ZNF451: variants seen among roughly 807,000 people sequenced by gnomAD.
ZNF451 encodes the protein E3 SUMO-protein ligase ZNF451.
Under a neutral mutation model 107.1 loss-of-function variants are expected in ZNF451, and 80 were observed. The observed-to-expected ratio is 0.75, with a 90% confidence interval of 0.62 to 0.90. The LOEUF (loss-of-function observed/expected upper bound fraction) is 0.90, where lower values mean the gene tolerates loss of function less well. Among genes scored for constraint, ZNF451 ranks in the 40% least tolerant of loss-of-function variants. The pLI, the probability that ZNF451 is intolerant of heterozygous loss-of-function variation, is 0.00. For missense variants in ZNF451, 1,107 were observed against 1,236.2 expected, an observed-to-expected ratio of 0.90 and a Z score of 1.57; for synonymous variants, 362 against 406.5, an observed-to-expected ratio of 0.89 and a Z score of 1.32.
chr6:57,101,521 A>T (rs1318747249), intron 3 of ZNF451: 1 of 1,550,866 alleles, frequency 6.4e-7, no homozygotes, highest in Non-Finnish European at 8.7e-7. Flanking sequence ...TTCTACCTCA[A>T]AAGAAATGGA....
intron 5 of ZNF451, among the ~76,000 whole-genome samples, chr6:57,132,632 C>T (rs558037618): frequency 4.0e-5 from 6 of 151,708 alleles, no homozygotes; most frequent in Admixed American, 2.6e-4. Flanking sequence ...GGAGTAGGGG[C>T]GTAACCTTCT....
chr6:57,160,774 C>G, intron 13 of ZNF451: 1 of 219,084 alleles, frequency 4.6e-6, no homozygotes, highest in Non-Finnish European at 8.9e-6. Flanking sequence ...AGCCTTCGGT[C>G]TCTTATTATG....
chr6:57,106,629 T>G lies in ZNF451; in HGVS notation c.186+7488T>G, dbSNP rs555256207. 7 of 985,048 alleles carry G rather than the reference T, an allele frequency of 7.1e-6. No individual in the cohort carries two copies. In the East Asian group the frequency reaches 6.8e-4, roughly 96 times the overall value. 61.0% of individuals were successfully genotyped at this position (985,048 alleles called of 1,614,324 possible). ...CTGTGAAATTTTTTTTTTTTTTTTT[T>G]TTATGTGAGGCATATTTTGCCACAG... On this transcript the variant is annotated intron_variant, in intron 3 of 14. Transcript: ENST00000370706.
intron 3 of ZNF451, chr6:57,101,432 A>G: frequency 6.4e-7 from 1 of 1,550,820 alleles, no homozygotes; most frequent in Non-Finnish European, 8.7e-7. Context: ...TCTCCTTTCC[A>G]ACCAAACCCA....
chr6:57,168,359 A>T, intron 14 of ZNF451, 64 bp from the exon 15 acceptor site: 1 of 1,161,516 alleles, frequency 8.6e-7, no homozygotes, highest in Non-Finnish European at 1.3e-6. Context: ...ATGAAACTTA[A>T]ATAAATACAG....
At chr6:57,139,471 C>A (rs1486140717) in intron 7 of ZNF451, among the ~76,000 whole-genome samples, 1 of 152,150 alleles carries the variant, frequency 6.6e-6, no homozygotes, top group Non-Finnish European at 1.5e-5. Context: ...TTTTTTATCT[C>A]TCTTCTGGTT....
At chr6:57,106,973 A>T (rs1829891878) in intron 3 of ZNF451, 1 of 926,920 alleles carries the variant, frequency 1.1e-6, no homozygotes, top group African/African-American at 1.8e-5. Flanking sequence ...TCCTGGATGA[A>T]CAGAATATTG....
intron 3 of ZNF451, among the ~76,000 whole-genome samples, chr6:57,110,984 A>G (rs1408675730): frequency 1.3e-5 from 2 of 149,694 alleles, no homozygotes. Context: ...CAGTGGGGTC[A>G]TATCGGCTAA....
At chr6:57,103,108 A>T in intron 3 of ZNF451, 2 of 985,452 alleles carry the variant, frequency 2.0e-6, no homozygotes, top group South Asian at 4.7e-5. Context: ...GAAATAAAGG[A>T]TGTTACACGA....
intron 11 of ZNF451, chr6:57,151,371 T>TA (rs59458185): frequency 0.12 from 9,502 of 79,006 alleles, 851 homozygotes; most frequent in Middle Eastern, 0.16. Context: ...GACTCTGTCT[T>TA]AAAAAAAAAA....
At chr6:57,119,343 A>T (rs184835564) in intron 3 of ZNF451, among the ~76,000 whole-genome samples, 136 of 152,298 alleles carry the variant, frequency 8.9e-4, no homozygotes, top group South Asian at 2.7e-3. Flanking sequence ...CCTGGCCAAC[A>T]TGGAGAAACC....
chr6:57,093,363 G>C (rs531254681), intron 2 of ZNF451, among the ~76,000 whole-genome samples: 6 of 152,294 alleles, frequency 3.9e-5, no homozygotes, highest in African/African-American at 1.4e-4. Context: ...CATAGATCAA[G>C]TATTAATACT....
At chr6:57,106,602 G>A (rs1303661059) in intron 3 of ZNF451, 6 of 976,008 alleles carry the variant, frequency 6.1e-6, no homozygotes, top group African/African-American at 1.8e-5. Flanking sequence ...CACCGCGCCT[G>A]GCTGTGAAAT....
chr6:57,166,131 G>A (rs1045073229), intron 14 of ZNF451, among the ~76,000 whole-genome samples: 2 of 151,932 alleles, frequency 1.3e-5, no homozygotes, highest in South Asian at 2.1e-4. Flanking sequence ...AGGTTTAAGC[G>A]ATTCTCCCAC....
chr6:57,161,295 T>C, intron 14 of ZNF451, 143 bp downstream of exon 14: 1 of 495,114 alleles, frequency 2.0e-6, no homozygotes, highest in East Asian at 3.3e-5. Context: ...AGCTTTGCAT[T>C]TTTCATGTAA....
Position 57,163,436 on chromosome 6 carries a change from C to CTTTTTTTTTTTTTTTTTTTTTTTTTTT in ZNF451, c.3139+2290_3139+2316dup, listed in dbSNP as rs398001706. On this transcript the variant is annotated intron_variant, in intron 14 of 14. Transcript: ENST00000370706. ...AATGGTTGCTTGTTAAATGAATAAA[C>CTTTTTTTTTTTTTTTTTTTTTTTTTTT]TTTTTTTTTTTTTTTTTTTTTTTTT... 1.1e-3 allele frequency among the ~76,000 whole-genome samples: 33 copies of CTTTTTTTTTTTTTTTTTTTTTTTTTTT among 30,340 alleles called. 13 individuals are homozygous for CTTTTTTTTTTTTTTTTTTTTTTTTTTT. Among genetic ancestry groups the CTTTTTTTTTTTTTTTTTTTTTTTTTTT allele is most frequent in the Non-Finnish European group, 1.4e-3 (23 of 16,452 alleles). The allele number at this position is 30,340 out of a possible 152,430, so 19.9% of individuals were successfully genotyped here. A position where few individuals can be genotyped will look rare whatever the true frequency, so the allele number is the denominator to read the frequency against.
rs1425152666 is a variant in ZNF451 at position 57,114,824 on chromosome 6, A to G, written c.187-9910A>G. ...AAATTAGTTAACAATTTTATTACAT[A>G]TGCTGATTGTAGAAAAATTAGAAAA... On this transcript the variant is annotated intron_variant, in intron 3 of 14. Transcript: ENST00000370706. 3 of 152,210 alleles carry G rather than the reference A, an allele frequency of 2.0e-5. No homozygotes were observed. The East Asian group carries it at 5.8e-4, about 29-fold the overall frequency. The allele number at this position is 152,210 out of a possible 1,614,324, so 9.4% of individuals were successfully genotyped here.
rs1433722171 is a variant in ZNF451, at chr6:57,099,166, G to A, written c.186+25G>A. The A allele has an allele frequency of 3.9e-6, 6 of 1,540,736 alleles. No individual in the cohort carries two copies. In the East Asian group the frequency reaches 9.0e-5, roughly 23 times the overall value. The stretch of plus-strand genomic sequence containing the variant: ...TGTAAGTACATTATATTTGATTTGT[G>A]TTTCTTCACTTGTGTCTTTTAAGAG... On this transcript the variant is annotated intron_variant, in intron 3 of 14. Transcript: ENST00000370706.
At position 57,161,157 on chromosome 6, in the gene ZNF451, C is replaced by T; in HGVS notation, c.3139+5C>T. On this transcript the variant is annotated splice_donor_5th_base_variant and intron_variant, in intron 14 of 14. Transcript: ENST00000370706. ...AAGAATTTATATCCACAGAAGGTAACCTAATAGAGTTAATCTCTTTTCTAC... is the reference window on the plus strand; with the variant it reads ...AAGAATTTATATCCACAGAAGGTAATCTAATAGAGTTAATCTCTTTTCTAC... 1 of 1,476,748 alleles carries T rather than the reference C, an allele frequency of 6.8e-7. No individual in the cohort carries two copies. The highest frequency in any genetic ancestry group is 9.0e-7 in the Non-Finnish European group (1 of 1,107,786). The allele number at this position is 1,476,748 out of a possible 1,614,324, so 91.5% of individuals were successfully genotyped here. A position where few individuals can be genotyped will look rare whatever the true frequency, so the allele number is the denominator to read the frequency against.
Sources: gnomAD v4.1 joint callset for allele counts (sites outside exome capture counted in the v4.1 genomes callset) on GRCh38, gnomAD v4.1.1 for gene constraint, MANE v1.5 for transcripts, NCBI Gene and HGNC (gene_info 2026-07-23, HGNC 2026-07-21) for gene names.